Variants in BCOR observed in about 807,000 individuals in gnomAD.
The protein encoded by BCOR is BCL6 corepressor.
A neutral mutation model predicts 86.7 loss-of-function variants in BCOR; 10 were observed. The observed-to-expected ratio is 0.12, with a 90% CI of 0.07 to 0.20. BCOR has a LOEUF of 0.20. BCOR is among the 10% of genes least tolerant of loss of function. BCOR has a pLI of 1.00. For synonymous variants in BCOR, 611 were observed against 609.0 expected (o/e 1.00, Z -0.05); for missense variants, 1,259 against 1,452.1 (o/e 0.87, Z 2.16).
In BCOR at chrX:40,073,430, A is replaced by G; in HGVS notation, c.1916T>C (p.Phe639Ser). The change falls in exon 4 of 15, where the codon TTT becomes TCT. Residue 639 changes from phenylalanine (F) to serine (S), a missense_variant. By Grantham distance (155) the Phe-to-Ser change is radical. Transcript: ENST00000378444. The stretch of plus-strand genomic sequence containing the variant: ...CCTGAATGCCTCATTTGGAGACAGA[A>G]ATATAGAGCTTGGTGGAAGGCCGTT... ...NENGLPPSSI[F>S]LSPNEAFRSP... The G allele has an allele frequency of 2.5e-6, 3 of 1,212,225 alleles. No individual in the cohort carries two copies. The highest frequency in any genetic ancestry group is 3.3e-6 in the Non-Finnish European group (3 of 895,607).
chrX:40,133,740 G>A (rs1022228729), intron 1 of BCOR, among the ~76,000 whole-genome samples: 22 of 111,638 alleles, frequency 2.0e-4, no homozygotes, highest in Non-Finnish European at 3.2e-4. Flanking sequence ...GATTACAGGC[G>A]TGAGCCACCG....
chrX:40,065,591 A>G (rs1316683419), intron 6 of BCOR, among the ~76,000 whole-genome samples: 1 of 112,546 alleles, frequency 8.9e-6, no homozygotes, highest in Non-Finnish European at 1.9e-5. Context: ...TCAGCCCAAC[A>G]TCACTTCCTA....
At chrX:40,096,525 T>A (rs977241649) in intron 1 of BCOR, among the ~76,000 whole-genome samples, 1 of 109,696 alleles carries the variant, frequency 9.1e-6, no homozygotes, top group Non-Finnish European at 1.9e-5. Flanking sequence ...TTTTTTTTTT[T>A]AATCCACGTG....
chrX:40,096,490 C>G (rs1936879327), intron 1 of BCOR, among the ~76,000 whole-genome samples: 2 of 109,862 alleles, frequency 1.8e-5, no homozygotes, highest in Admixed American at 1.9e-4. Context: ...GTCGGAACCC[C>G]TTGCTCTGCT....
At chrX:40,111,657 T>C (rs1042190860) in intron 1 of BCOR, among the ~76,000 whole-genome samples, 26 of 112,311 alleles carry the variant, frequency 2.3e-4, no homozygotes, top group African/African-American at 7.4e-4. Context: ...CAGAGCAGTG[T>C]GTACCATCTG....
chrX:40,051,988 A>G lies in BCOR; in HGVS notation c.*121T>C, dbSNP rs1342733902. 4.6e-6 allele frequency: 3 copies of G among 645,192 alleles called. No individual in the cohort carries two copies. Among genetic ancestry groups the G allele is most frequent in the African/African-American group, 4.5e-5 (2 of 44,540 alleles). The allele number at this position is 645,192 out of a possible 1,213,427, so 53.2% of individuals were successfully genotyped here. On this transcript the variant is annotated 3_prime_UTR_variant, in exon 15 of 15. Transcript: ENST00000378444. ...CCTTCTGACTGGAGTAATTTCTCTT[A>G]TATAAAGAAGAGATATTTTCATATG...
intron 1 of BCOR, among the ~76,000 whole-genome samples, chrX:40,143,713 T>C (rs979762391): frequency 6.2e-5 from 7 of 112,756 alleles, no homozygotes; most frequent in African/African-American, 2.3e-4. Flanking sequence ...TCCCAGCACT[T>C]TGGGAGGCCG....
chrX:40,128,187 C>T (rs1288220979), intron 1 of BCOR, among the ~76,000 whole-genome samples: 1 of 110,402 alleles, frequency 9.1e-6, no homozygotes, highest in Non-Finnish European at 1.9e-5. Context: ...ATCACACCAC[C>T]GAACTCCAGC....
upstream of BCOR, among the ~76,000 whole-genome samples, chrX:40,100,733 A>G (rs1231424715): frequency 1.8e-5 from 2 of 109,705 alleles, no homozygotes; most frequent in African/African-American, 6.6e-5. Context: ...AGAAAAAAAA[A>G]AGTCCTAGAG....
At chrX:40,087,120 T>TGGGGCC (rs969055553) in intron 1 of BCOR, among the ~76,000 whole-genome samples, 5 of 113,329 alleles carry the variant, frequency 4.4e-5, no homozygotes, top group African/African-American at 1.3e-4. Context: ...CTGGCCGGGC[T>TGGGGCC]GGGGCCGGGG....
At chrX:40,061,633 A>AC (rs928400985) in intron 10 of BCOR, among the ~76,000 whole-genome samples, 20 of 93,649 alleles carry the variant, frequency 2.1e-4, no homozygotes, top group African/African-American at 5.5e-4. Context: ...AGGCTACTGT[A>AC]CCCCCCCACT....
Position 40,139,498 on chromosome X carries a change from T to TA in BCOR, c.-41+37508_-41+37509insT, listed in dbSNP as rs1491292319. Among the ~76,000 whole-genome samples the TA allele has an allele frequency of 4.6e-4, 5 of 10,923 alleles. 1 individual carries two copies. Among genetic ancestry groups the TA allele is most frequent in the African/African-American group, 1.5e-3 (3 of 2,041 alleles). 9.5% of individuals were successfully genotyped at this position (10,923 alleles called of 115,157 possible). ...ATATATATATATATATATATATATA[T>TA]TTTTTTTTTTTTTTAAGCATCAGCC... is the stretch of plus-strand genomic sequence containing the variant. On this transcript the variant is annotated intron_variant, in intron 1 of 14. Transcript: ENST00000342274.
intron 1 of BCOR, among the ~76,000 whole-genome samples, chrX:40,174,951 A>G (rs1304422232): frequency 8.8e-6 from 1 of 113,258 alleles, no homozygotes; most frequent in African/African-American, 3.2e-5. Flanking sequence ...TCCTGCAGCT[A>G]TCTGACCACA....
At chrX:40,128,454 G>A (rs12851981) in intron 1 of BCOR, among the ~76,000 whole-genome samples, 5,903 of 110,819 alleles carry the variant, frequency 0.053, 137 homozygotes, top group South Asian at 0.13. Context: ...GCTGAGGCTG[G>A]AGAATCGCTT....
intron 1 of BCOR, among the ~76,000 whole-genome samples, chrX:40,127,361 G>T (rs1404961530): frequency 8.9e-6 from 1 of 112,040 alleles, no homozygotes; most frequent in Non-Finnish European, 1.9e-5. Flanking sequence ...GGCCATCTTG[G>T]ATCTCCCCAC....
chrX:40,104,113 C>T (rs1937124430), intron 1 of BCOR, among the ~76,000 whole-genome samples: 1 of 111,101 alleles, frequency 9.0e-6, no homozygotes, highest in African/African-American at 3.3e-5. Context: ...CTGAATAAAA[C>T]CAGGGATGCG....
rs183680206 is a variant in BCOR at position 40,073,701 on chromosome X, C to T, written c.1645G>A (p.Gly549Ser). Reference sequence around the variant, plus strand: ...ACGTTAGTGATGACAGCATCGGTGCCGCCCATGCGCGGGCATGATGAACTC... The same window carrying T: ...ACGTTAGTGATGACAGCATCGGTGCTGCCCATGCGCGGGCATGATGAACTC... The part of the protein sequence containing the change: ...QRSSSCPRMG[G>S]TDAVITNVSG... Residue 549 changes from glycine to serine, a missense_variant, in exon 4 of 15, where the codon GGC becomes AGC. Gly to Ser is a moderately conservative substitution (Grantham distance 56, BLOSUM62 0). Transcript: ENST00000378444. 6.9e-5 allele frequency: 84 copies of T among 1,211,702 alleles called. No homozygotes were observed. The highest frequency in any genetic ancestry group is 1.8e-4 in the East Asian group (6 of 33,812).
upstream of BCOR, among the ~76,000 whole-genome samples, chrX:40,099,052 G>T (rs974559340): frequency 1.8e-5 from 2 of 113,333 alleles, no homozygotes; most frequent in Admixed American, 9.2e-5. Context: ...TCCTTGACAG[G>T]GAGCAACTTT....
chrX:40,147,831 T>C (rs916475930), intron 1 of BCOR, among the ~76,000 whole-genome samples: 1 of 112,948 alleles, frequency 8.9e-6, no homozygotes, highest in African/African-American at 3.2e-5. Context: ...ACTCTTGGCA[T>C]GACTTCCTGC....
Sources: allele counts gnomAD v4.1 joint callset (sites outside exome capture counted in the v4.1 genomes callset), GRCh38; gene constraint gnomAD v4.1.1; transcripts MANE v1.5; gene names NCBI Gene and HGNC (gene_info 2026-07-23, HGNC 2026-07-21).